Variants in ZC3H7B observed in about 807,000 individuals in gnomAD.
ZC3H7B encodes the protein zinc finger CCCH domain-containing protein 7B.
Under a neutral mutation model 116.0 loss-of-function variants are expected in ZC3H7B, and 35 were observed. That is an observed-to-expected ratio of 0.30 (90% CI 0.23 to 0.40). The LOEUF (loss-of-function observed/expected upper bound fraction) is 0.40. Ranked by LOEUF, ZC3H7B falls within the 10% of genes least tolerant of loss-of-function variation. ZC3H7B has a pLI of 1.00. For synonymous variants in ZC3H7B, 502 were observed against 545.6 expected (o/e 0.92, Z 1.11); for missense variants, 1,011 against 1,321.5 (o/e 0.77, Z 3.64).
intron 2 of ZC3H7B, 123 bp downstream of exon 2, chr22:41,320,836 C>G: frequency 7.4e-7 from 1 of 1,353,242 alleles, no homozygotes; most frequent in South Asian, 1.2e-5. Flanking sequence ...CTCCTGTGTG[C>G]GCTGGGGTGC....
Position 41,357,391 on chromosome 22 carries a change from G to A in ZC3H7B, c.2896G>A (p.Ala966Thr). ...GGACCTTGCCGGTGCCACCCCAGAA[G>A]CCCCTGCTGCTGCTGCCACCGCCAC... is the stretch of plus-strand genomic sequence containing the variant. Reference protein sequence around the residue: ...DGDLAGATPEAPAAAATATTG... With the variant: ...DGDLAGATPETPAAAATATTG... The change falls in exon 23 of 23, where the codon GCC becomes ACC. Residue 966 changes from alanine (A) to threonine (T), a missense_variant. Physicochemically the swap from Ala to Thr is moderately conservative, Grantham distance 58 (BLOSUM62 0). Transcript: ENST00000352645. This position sits in a 1 kb window ranked among gnomAD's most constrained non-coding sequence, Gnocchi z 5.4. The A allele has an allele frequency of 6.2e-7, 1 of 1,612,844 alleles. No homozygotes were observed. Among genetic ancestry groups the A allele is most frequent in the Non-Finnish European group, 8.5e-7 (1 of 1,179,772 alleles).
intron 7 of ZC3H7B, chr22:41,335,446 G>A (rs892471405): frequency 2.6e-5 from 4 of 152,440 alleles, no homozygotes; most frequent in African/African-American, 7.2e-5. Flanking sequence ...CTGGCAGGCT[G>A]GGGTGATGGC....
rs548969879 is a variant in ZC3H7B, at chr22:41,305,020, C to T, written c.-7+3248C>T. ...TGAGGTCACGAGTTCGAGACCAGAC[C>T]TGGCAACATGGTGAAACCCAGTCTC... is the stretch of plus-strand genomic sequence containing the variant. On this transcript the variant is annotated intron_variant, in intron 1 of 22. Coordinates refer to ENST00000352645, the MANE Select transcript of ZC3H7B (RefSeq NM_017590.6). 9.9e-5 allele frequency among the ~76,000 whole-genome samples: 15 copies of T among 152,224 alleles called. No individual in the cohort carries two copies. In the South Asian group the frequency reaches 3.1e-3, roughly 32 times the overall value.
intron 1 of ZC3H7B, 56 bp from the exon 2 acceptor site, chr22:41,320,599 G>A: frequency 6.2e-7 from 1 of 1,603,570 alleles, no homozygotes; most frequent in Non-Finnish European, 8.5e-7. Flanking sequence ...AGTGGTGGTG[G>A]CTGACGGCAG....
Position 41,357,188 on chromosome 22 carries a change from G to T in ZC3H7B, c.2693G>T (p.Gly898Val). 1 of 1,613,156 alleles carries T rather than the reference G, an allele frequency of 6.2e-7. No individual in the cohort carries two copies. Among genetic ancestry groups the T allele is most frequent in the Non-Finnish European group, 8.5e-7 (1 of 1,179,880 alleles). Reference protein sequence around the residue: ...EFRLCDRLQKGKACPDGDKCR... With the variant: ...EFRLCDRLQKVKACPDGDKCR... ...CCTGCCACCCACAGGCTCCAGAAGG[G>T]CAAAGCCTGCCCAGATGGGGACAAG... is the stretch of plus-strand genomic sequence containing the variant. Residue 898 changes from glycine to valine, a missense_variant, in exon 23 of 23, where the codon GGC (glycine) becomes GTC (valine). Around this residue, in one of 5 missense-constraint regions of ZC3H7B, gnomAD observed 406 missense variants for 590.2 expected, o/e 0.69. Transcript: ENST00000352645. The surrounding 1 kb of genome is among the most constrained non-coding windows in gnomAD (Gnocchi z 5.4).
rs555670987 is a variant in ZC3H7B, at chr22:41,317,487, C to T, written c.-6-3168C>T. Among the ~76,000 whole-genome samples the T allele has an allele frequency of 7.4e-4, 112 of 152,232 alleles. 1 individual carries two copies. Among genetic ancestry groups the T allele is most frequent in the Middle Eastern group, 3.4e-3 (1 of 294 alleles). On this transcript the variant is annotated intron_variant, in intron 1 of 22. Coordinates refer to ENST00000352645, the MANE Select transcript of ZC3H7B (RefSeq NM_017590.6). ...GGGCACAAACGTCCAGGCCGTAACACCCTCCCTATAAGAATTTTCTGGCTG... is the reference window on the plus strand; with the variant it reads ...GGGCACAAACGTCCAGGCCGTAACATCCTCCCTATAAGAATTTTCTGGCTG...
At position 41,320,650 on chromosome 22, in the gene ZC3H7B, C is replaced by T; in HGVS notation, c.-6-5C>T. Reference sequence around the variant, plus strand: ...CTGACTGATGGACTGTGCTCTCTTCCCCAGAGACTGATGGAGAGGCAGAAA... The same window carrying T: ...CTGACTGATGGACTGTGCTCTCTTCTCCAGAGACTGATGGAGAGGCAGAAA... On this transcript the variant is annotated splice_polypyrimidine_tract_variant and splice_region_variant and intron_variant, in intron 1 of 22. Coordinates refer to ENST00000352645, the MANE Select transcript of ZC3H7B (RefSeq NM_017590.6). The T allele has an allele frequency of 6.2e-7, 1 of 1,613,984 alleles. No individual in the cohort carries two copies. Among genetic ancestry groups the T allele is most frequent in the Non-Finnish European group, 8.5e-7 (1 of 1,179,942 alleles).
chr22:41,338,463 G>T lies in ZC3H7B; in HGVS notation c.625+108G>T, dbSNP rs2036473396. 1.7e-6 allele frequency: 2 copies of T among 1,201,664 alleles called. No individual in the cohort carries two copies. Among genetic ancestry groups the T allele is most frequent in the Admixed American group, 4.1e-5 (2 of 49,208 alleles). 74.4% of individuals were successfully genotyped at this position (1,201,664 alleles called of 1,614,324 possible). On this transcript the variant is annotated intron_variant, in intron 8 of 22. Coordinates refer to ENST00000352645, the MANE Select transcript of ZC3H7B (RefSeq NM_017590.6). This position sits in a 1 kb window ranked among gnomAD's most constrained non-coding sequence, Gnocchi z 4.5. ...CTGTAGATGGGAGGGCCTCCGAGGGGTTCCCCACCCTGGTACTCCCTGAGG... is the reference window on the plus strand; with the variant it reads ...CTGTAGATGGGAGGGCCTCCGAGGGTTTCCCCACCCTGGTACTCCCTGAGG...
chr22:41,313,123 C>CT lies in ZC3H7B; in HGVS notation c.-6-7519dup, dbSNP rs777637760. 5.8e-3 allele frequency among the ~76,000 whole-genome samples: 834 copies of CT among 144,754 alleles called. 4 individuals are homozygous for CT. Among genetic ancestry groups the CT allele is most frequent in the Middle Eastern group, 0.033 (9 of 274 alleles). 95.0% of individuals were successfully genotyped at this position (144,754 alleles called of 152,430 possible). A position where few individuals can be genotyped will look rare whatever the true frequency, so the allele number is the denominator to read the frequency against. ...GAAGCAGGTAATGTTTTGGGTCAGA[C>CT]TTTTTTTTTTTTTGAGACGGAGTCT... On this transcript the variant is annotated intron_variant, in intron 1 of 22. Transcript: ENST00000352645.
In ZC3H7B at chr22:41,319,204, A is replaced by T. The variant is rs529385169; in HGVS notation, c.-6-1451A>T. 1.3e-4 allele frequency among the ~76,000 whole-genome samples: 20 copies of T among 152,254 alleles called. 1 individual carries two copies. The South Asian group carries it at 4.1e-3, about 32-fold the overall frequency. ...ATCACGAGGTCAGGCGATCGAGACCATCCTGGCTAACACGGTGAAACCCCC... is the reference window on the plus strand; with the variant it reads ...ATCACGAGGTCAGGCGATCGAGACCTTCCTGGCTAACACGGTGAAACCCCC... On this transcript the variant is annotated intron_variant, in intron 1 of 22. Transcript: ENST00000352645.
rs984518596 is a variant in ZC3H7B at position 41,349,023 on chromosome 22, C to G, written c.1767-97C>G. 1.3e-5 allele frequency: 18 copies of G among 1,352,754 alleles called. No individual in the cohort carries two copies. In the African/African-American group the frequency reaches 2.2e-4, roughly 16 times the overall value. The allele number at this position is 1,352,754 out of a possible 1,614,324, so 83.8% of individuals were successfully genotyped here. On this transcript the variant is annotated intron_variant, in intron 15 of 22. Transcript: ENST00000352645. This position sits in a 1 kb window ranked among gnomAD's most constrained non-coding sequence, Gnocchi z 4.9. ...TTTGGTACATAGATCAGGGGGTGCC[C>G]AGGGAGAGCCTGGCACTGGGAAGGT...
chr22:41,339,709 A>G, intron 9 of ZC3H7B, 107 bp from the exon 10 acceptor site: 1 of 1,045,858 alleles, frequency 9.6e-7, no homozygotes, highest in Non-Finnish European at 1.4e-6. Context: ...GACAGGATGA[A>G]GCCAGGCGAC....
At chr22:41,352,677 G>A (rs1202449826) in intron 17 of ZC3H7B, among the ~76,000 whole-genome samples, 2 of 150,354 alleles carry the variant, frequency 1.3e-5, no homozygotes, top group Admixed American at 6.6e-5. Flanking sequence ...CAGGAGAATC[G>A]TGTGAACCCG....
In ZC3H7B at chr22:41,330,997, G is replaced by A. The variant is rs1412270668; in HGVS notation, c.525+894G>A. 3.5e-5 allele frequency among the ~76,000 whole-genome samples: 5 copies of A among 144,850 alleles called. No homozygotes were observed. The East Asian group carries it at 7.2e-4, about 21-fold the overall frequency. On this transcript the variant is annotated intron_variant, in intron 6 of 22. Coordinates refer to ENST00000352645, the MANE Select transcript of ZC3H7B (RefSeq NM_017590.6). The stretch of plus-strand genomic sequence containing the variant: ...CATTCTTCTGCCTCGGCCTCTCCGA[G>A]TAGCTGGGATTACAGGCGCCCGCCA...
In ZC3H7B at chr22:41,355,621, G is replaced by A. The variant is rs755345625; in HGVS notation, c.2168+19G>A. 1.2e-5 allele frequency: 20 copies of A among 1,613,722 alleles called. No individual in the cohort carries two copies. In the South Asian group the frequency reaches 1.9e-4, roughly 15 times the overall value. Reference sequence around the variant, plus strand: ...GGCACTGGTGAGTGGGATGCCAGGTGGGGGCTCAGGTGGGATGGGGCCACC... The same window carrying A: ...GGCACTGGTGAGTGGGATGCCAGGTAGGGGCTCAGGTGGGATGGGGCCACC... On this transcript the variant is annotated intron_variant, in intron 18 of 22. Transcript: ENST00000352645.
At position 41,349,397 on chromosome 22, in the gene ZC3H7B, CA is replaced by C; in HGVS notation, c.1948+97del. On this transcript the variant is annotated intron_variant, in intron 16 of 22. Transcript: ENST00000352645. This position sits in a 1 kb window ranked among gnomAD's most constrained non-coding sequence, Gnocchi z 4.9. ...CGCAGGACTGACTGGGGTGACAGGC[CA>C]GGGCCCCATGGTCGCTGGAGGGGGC... The C allele has an allele frequency of 6.6e-7, 1 of 1,512,096 alleles. No homozygotes were observed. The allele number at this position is 1,512,096 out of a possible 1,614,324, so 93.7% of individuals were successfully genotyped here.
At chr22:41,330,173 C>G in intron 6 of ZC3H7B, 70 bp downstream of exon 6, 2 of 1,551,838 alleles carry the variant, frequency 1.3e-6, no homozygotes, top group Admixed American at 3.6e-5. Context: ...GACCAGGCTC[C>G]GTGGGGAAGG....
At chr22:41,325,675 C>G in intron 3 of ZC3H7B, 46 bp from the exon 4 acceptor site, 2 of 1,608,130 alleles carry the variant, frequency 1.2e-6, no homozygotes, top group Non-Finnish European at 1.7e-6. Flanking sequence ...GGTGCCAGAG[C>G]TGGGGCCAGA....
chr22:41,325,873 G>A lies in ZC3H7B; in HGVS notation c.240G>A (p.Leu80=). The change falls in exon 4 of 23, where the codon CTG becomes CTA. Residue 80 remains leucine, a synonymous_variant. Coordinates refer to ENST00000352645, the MANE Select transcript of ZC3H7B (RefSeq NM_017590.6). ...ASDQVALPRE[L]LCKLHVNRAA... is the part of the protein sequence containing the mutation. ...ACCAGGTGGCCCTGCCCCGGGAGCT[G>A]CTGTGCAAGCTGCATGTCAATAGGG... The A allele has an allele frequency of 6.2e-7, 1 of 1,611,274 alleles. No homozygotes were observed. The highest frequency in any genetic ancestry group is 2.0e-4 in the Middle Eastern group (1 of 5,012).
Sources: allele counts gnomAD v4.1 joint callset (sites outside exome capture counted in the v4.1 genomes callset), GRCh38; gene constraint gnomAD v4.1.1; regional missense constraint gnomAD v4.1.1; non-coding constraint Gnocchi (gnomAD v3.1); transcripts MANE v1.5; gene names NCBI Gene and HGNC (gene_info 2026-07-23, HGNC 2026-07-21).